The following PCDHA6 variants were observed in gnomAD, a reference collection of about 807,000 sequenced individuals.
PCDHA6 encodes protocadherin alpha-6.
In PCDHA6, 55 loss-of-function variants were observed where a neutral mutation model predicts 60.3. The observed-to-expected ratio is 0.91, with a 90% CI of 0.73 to 1.14. PCDHA6 has a LOEUF of 1.14. PCDHA6 is among the 50% of genes most tolerant of loss of function. The pLI is 0.00. For synonymous variants in PCDHA6, 652 were observed against 557.9 expected (o/e 1.17, Z -2.38); for missense variants, 1,327 against 1,256.5 (o/e 1.06, Z -0.85).
intron 1 of PCDHA6, among the ~76,000 whole-genome samples, chr5:140,872,278 AAAGTT>A (rs2053578296): frequency 6.6e-6 from 1 of 152,138 alleles, no homozygotes; most frequent in Non-Finnish European, 1.5e-5. Context: ...TTTGAAGAAA[AAAGTT>A]AAGCCTTGCA....
chr5:140,839,126 A>G (rs1399665834), intron 1 of PCDHA6, among the ~76,000 whole-genome samples: 8 of 151,272 alleles, frequency 5.3e-5, no homozygotes, highest in East Asian at 3.9e-4. Context: ...ATAATATGTC[A>G]TTCACATAAG....
At chr5:140,955,929 C>T (rs567378851) in intron 1 of PCDHA6, among the ~76,000 whole-genome samples, 1 of 152,252 alleles carries the variant, frequency 6.6e-6, no homozygotes, top group East Asian at 1.9e-4. Flanking sequence ...GGAGTTCATT[C>T]ATAATATGGC....
At position 140,838,075 on chromosome 5, in the gene PCDHA6, A is replaced by AGTG. The variant is rs781914509; in HGVS notation, c.2394+7590_2394+7591insGTG. Among the ~76,000 whole-genome samples the AGTG allele has an allele frequency of 1.4e-3, 174 of 128,230 alleles. 2 individuals carry two copies. Among genetic ancestry groups the AGTG allele is most frequent in the Admixed American group, 2.8e-3 (34 of 12,302 alleles). 84.1% of individuals were successfully genotyped at this position (128,230 alleles called of 152,430 possible). ...GTTTTCCACTTTAAGTTATATATAT[A>AGTG]TAGTGTGTGTGTGTGTGTGTGTGTG... is the stretch of plus-strand genomic sequence containing the variant. On this transcript the variant is annotated intron_variant, in intron 1 of 3. Coordinates refer to ENST00000529310, the MANE Select transcript of PCDHA6 (RefSeq NM_018909.4).
At chr5:140,848,661 C>G in intron 1 of PCDHA6, 1 of 1,592,380 alleles carries the variant, frequency 6.3e-7, no homozygotes, top group African/African-American at 1.3e-5. Context: ...GGGGCTGGAG[C>G]TGGCGGAGCT....
At chr5:140,927,072 C>A in intron 1 of PCDHA6, 2 of 1,610,790 alleles carry the variant, frequency 1.2e-6, no homozygotes, top group Non-Finnish European at 1.7e-6. Flanking sequence ...TCCTTTCCAG[C>A]CACCGCGAGC....
At chr5:140,917,324 C>CGGT (rs2078038330) in intron 1 of PCDHA6, among the ~76,000 whole-genome samples, 1 of 76,126 alleles carries the variant, frequency 1.3e-5, no homozygotes, top group Admixed American at 1.5e-4. Flanking sequence ...GTTCATGTGG[C>CGGT]GGGGGAGGGG....
chr5:140,858,632 C>CT, intron 1 of PCDHA6: 1 of 1,018,812 alleles, frequency 9.8e-7, no homozygotes, highest in Non-Finnish European at 1.4e-6. Context: ...GTGTGTCAGC[C>CT]TTTGATTGGT....
chr5:140,835,671 G>C (rs1489343208), intron 1 of PCDHA6: 19 of 1,613,790 alleles, frequency 1.2e-5, no homozygotes, highest in Non-Finnish European at 1.2e-5. Context: ...CGCGCGGGAC[G>C]GGGGCTCGCC....
At chr5:140,967,881 G>A (rs2096193873) in intron 1 of PCDHA6, 2 of 1,614,034 alleles carry the variant, frequency 1.2e-6, no homozygotes, top group Non-Finnish European at 1.7e-6. Context: ...GACCTGTATA[G>A]CCCAGTGCCT....
rs554327220 is a variant in PCDHA6 at position 140,980,560 on chromosome 5, G to T, written c.2453+1553G>T. Reference sequence around the variant, plus strand: ...CAGGAGAATCGCTTGAACCCGGGAGGCGGAAGTTGCAGTGAGCCAAGATCG... The same window carrying T: ...CAGGAGAATCGCTTGAACCCGGGAGTCGGAAGTTGCAGTGAGCCAAGATCG... On this transcript the variant is annotated intron_variant, in intron 2 of 3. Coordinates refer to ENST00000529310, the MANE Select transcript of PCDHA6 (RefSeq NM_018909.4). Among the ~76,000 whole-genome samples the T allele has an allele frequency of 1.6e-4, 25 of 152,244 alleles. No individual in the cohort carries two copies. The East Asian group carries it at 4.6e-3, about 28-fold the overall frequency.
Position 140,830,296 on chromosome 5 carries a change from C to G in PCDHA6, c.2205C>G (p.Asp735Glu). 2 of 1,613,846 alleles carry G rather than the reference C, an allele frequency of 1.2e-6. No individual in the cohort carries two copies. The highest frequency in any genetic ancestry group is 1.7e-6 in the Non-Finnish European group (2 of 1,179,880). ...APPTEGACTADKPTLVCSSAV... is the reference protein window; with the variant it reads ...APPTEGACTAEKPTLVCSSAV... ...CCACCGAGGGCGCGTGCACGGCGGA[C>G]AAGCCCACGCTGGTGTGCTCCAGCG... The change falls in exon 1 of 4, where the codon GAC becomes GAG. Residue 735 changes from aspartate to glutamate, a missense_variant. Coordinates refer to ENST00000529310, the MANE Select transcript of PCDHA6 (RefSeq NM_018909.4).
chr5:140,993,939 T>C (rs1449633283), intron 3 of PCDHA6, among the ~76,000 whole-genome samples: 5 of 152,198 alleles, frequency 3.3e-5, no homozygotes, highest in Non-Finnish European at 7.3e-5. Context: ...ATATCCCCAT[T>C]GTTAAGTGAT....
chr5:140,981,443 G>A lies in PCDHA6; in HGVS notation c.2454-1032G>A, dbSNP rs530782878. ...ACAAAAATGAGCCAGGCATGGTGGC[G>A]GGTGCCTGTAGTCCCAGCTACTTGG... On this transcript the variant is annotated intron_variant, in intron 2 of 3. Transcript: ENST00000529310. Among the ~76,000 whole-genome samples, 6 of 152,126 alleles carry A rather than the reference G, an allele frequency of 3.9e-5. No homozygotes were observed. The Middle Eastern group carries it at 0.01, about 259-fold the overall frequency.
chr5:140,878,239 T>C (rs1198199054), intron 1 of PCDHA6: 1 of 155,370 alleles, frequency 6.4e-6, no homozygotes, highest in Non-Finnish European at 1.4e-5. Context: ...ATGGATTCTT[T>C]AACTCTTCCT....
chr5:140,843,914 A>C, intron 1 of PCDHA6: 1 of 621,414 alleles, frequency 1.6e-6, no homozygotes, highest in Non-Finnish European at 2.8e-6. Flanking sequence ...AGTTGGGTCT[A>C]TCTTGAAACT....
At position 140,854,145 on chromosome 5, in the gene PCDHA6, G is replaced by T. The variant is rs1403834220; in HGVS notation, c.2394+23660G>T. ...CAACTGCATTTCAGCCCGGGTGACA[G>T]CAAGATTCTGTCTCAAAAAAAAAAA... On this transcript the variant is annotated intron_variant, in intron 1 of 3. Coordinates refer to ENST00000529310, the MANE Select transcript of PCDHA6 (RefSeq NM_018909.4). The T allele has an allele frequency of 1.6e-5, 7 of 435,310 alleles. 1 individual carries two copies. The highest frequency in any genetic ancestry group is 2.0e-5 in the Non-Finnish European group (7 of 352,084). The allele number at this position is 435,310 out of a possible 1,614,324, so 27.0% of individuals were successfully genotyped here.
intron 1 of PCDHA6, chr5:140,862,740 G>T (rs1302893031): frequency 8.7e-6 from 5 of 577,654 alleles, no homozygotes; most frequent in Non-Finnish European, 1.7e-5. Flanking sequence ...GCTATGTGTG[G>T]GTGCACGCGG....
chr5:140,958,484 G>T (rs246009), intron 1 of PCDHA6, among the ~76,000 whole-genome samples: 1 of 151,754 alleles, frequency 6.6e-6, no homozygotes, highest in Non-Finnish European at 1.5e-5. Flanking sequence ...AGAGCACTAA[G>T]TCCACATATC....
At chr5:140,850,961 G>A in intron 1 of PCDHA6, 1 of 1,476,304 alleles carries the variant, frequency 6.8e-7, no homozygotes, top group Non-Finnish European at 9.1e-7. Flanking sequence ...TACTCCCAGG[G>A]GCCGTTCAAA....
Sources: allele counts gnomAD v4.1 joint callset (sites outside exome capture counted in the v4.1 genomes callset), GRCh38; gene constraint gnomAD v4.1.1; transcripts MANE v1.5; gene names NCBI Gene and HGNC (gene_info 2026-07-23, HGNC 2026-07-21).